The following PCDHGA1 variants were observed in gnomAD, a reference collection of about 807,000 sequenced individuals.
PCDHGA1 encodes the protein protocadherin gamma subfamily A, 1.
In PCDHGA1, 32 loss-of-function variants were observed where a neutral mutation model predicts 58.0. The observed-to-expected ratio is 0.55, with a 90% confidence interval of 0.42 to 0.74. The LOEUF (loss-of-function observed/expected upper bound fraction) is 0.74, where lower values mean the gene tolerates loss of function less well. Among genes scored for constraint, PCDHGA1 ranks in the 30% least tolerant of loss-of-function variants. The pLI is 0.00. For synonymous variants in PCDHGA1, 498 were observed against 501.1 expected (o/e 0.99, Z 0.08); for missense variants, 1,205 against 1,182.3 (o/e 1.02, Z -0.28).
intron 1 of PCDHGA1, chr5:141,351,782 G>A (rs575679144): frequency 1.2e-6 from 2 of 1,613,456 alleles, no homozygotes; most frequent in Non-Finnish European, 1.7e-6. Flanking sequence ...CCCGCAGAGC[G>A]GGGTGGTGTT....
rs761396116 is a variant in PCDHGA1 at position 141,409,790 on chromosome 5, C to T, written c.2421+76685C>T. 4 of 1,612,010 alleles carry T rather than the reference C, an allele frequency of 2.5e-6. No homozygotes were observed. The Admixed American group carries it at 5.0e-5, about 20-fold the overall frequency. ...TCACGAGCAGCTGCGCGCCTTCGCGCTCACGCTGCAGGCCCGCGACCACGG... is the reference window on the plus strand; with the variant it reads ...TCACGAGCAGCTGCGCGCCTTCGCGTTCACGCTGCAGGCCCGCGACCACGG... On this transcript the variant is annotated intron_variant, in intron 1 of 3. Transcript: ENST00000517417.
At chr5:141,456,197 C>T (rs1353243708) in intron 1 of PCDHGA1, among the ~76,000 whole-genome samples, 1 of 152,090 alleles carries the variant, frequency 6.6e-6, no homozygotes, top group Non-Finnish European at 1.5e-5. Context: ...ATAACTCCTA[C>T]CACATTCCTC....
intron 1 of PCDHGA1, chr5:141,340,121 T>G: frequency 6.2e-7 from 1 of 1,614,172 alleles, no homozygotes; most frequent in Non-Finnish European, 8.5e-7. Flanking sequence ...ATTCACCACC[T>G]GTTCACTCCC....
intron 1 of PCDHGA1, chr5:141,396,447 C>A: frequency 6.6e-6 from 1 of 152,186 alleles, no homozygotes. Flanking sequence ...GGTGAAACCC[C>A]GTCTCTACTA....
intron 1 of PCDHGA1, chr5:141,375,379 G>C (rs763011403): frequency 1.2e-6 from 2 of 1,613,794 alleles, no homozygotes; most frequent in Non-Finnish European, 1.7e-6. Context: ...CACCACCTCT[G>C]TCTACAGAAA....
chr5:141,426,451 C>T (rs561567196), intron 1 of PCDHGA1: 1 of 308,946 alleles, frequency 3.2e-6, no homozygotes, highest in Non-Finnish European at 6.4e-6. Flanking sequence ...GGACATGCGG[C>T]TGCATGTTCA....
chr5:141,375,059 G>C, intron 1 of PCDHGA1: 1 of 1,614,038 alleles, frequency 6.2e-7, no homozygotes, highest in Non-Finnish European at 8.5e-7. Flanking sequence ...GGATGGGCCA[G>C]GTCTTCGAGA....
chr5:141,394,432 C>T (rs1561648568), intron 1 of PCDHGA1: 2 of 1,614,238 alleles, frequency 1.2e-6, no homozygotes, highest in Admixed American at 1.7e-5. Flanking sequence ...AGCGGGGACC[C>T]GCCCCTCAGC....
chr5:141,344,322 G>T lies in PCDHGA1; in HGVS notation c.2421+11217G>T, dbSNP rs767083596. 6.8e-6 allele frequency: 11 copies of T among 1,613,940 alleles called. No homozygotes were observed. In the South Asian group the frequency reaches 7.7e-5, roughly 11 times the overall value. ...GAGGATAGACCGGGAGGAGCTCTGC[G>T]CTCAGATCCCGCTGTGTCTGGTAAA... On this transcript the variant is annotated intron_variant, in intron 1 of 3. Coordinates refer to ENST00000517417, the MANE Select transcript of PCDHGA1 (RefSeq NM_018912.3).
Position 141,494,808 on chromosome 5 carries a change from A to G in PCDHGA1, c.2423A>G (p.Gln808Arg). The G allele has an allele frequency of 1.9e-6, 3 of 1,614,014 alleles. No individual in the cohort carries two copies. Among genetic ancestry groups the G allele is most frequent in the Non-Finnish European group, 2.5e-6 (3 of 1,179,982 alleles). The change falls in exon 2 of 4, where the codon CAA becomes CGA. Residue 808 changes from glutamine to arginine, a missense_variant and splice_region_variant. Gln to Arg is a conservative substitution (Grantham distance 43, BLOSUM62 1). Coordinates refer to ENST00000517417, the MANE Select transcript of PCDHGA1 (RefSeq NM_018912.3). ...CCTTTCCCTCTGTTTTCTCCACAGC[A>G]AGCCCCGCCCAACACGGACTGGCGT... ...LEDKKEPFSQ[Q>R]APPNTDWRFS...
intron 1 of PCDHGA1, chr5:141,367,674 T>C (rs1765283740): frequency 6.6e-6 from 1 of 152,182 alleles, no homozygotes. Context: ...TGTGGGCTTG[T>C]TGAGAGAAGA....
At chr5:141,361,830 C>G (rs760465689) in intron 1 of PCDHGA1, 4 of 1,612,982 alleles carry the variant, frequency 2.5e-6, no homozygotes, top group East Asian at 2.2e-5. Context: ...TGCTGTACCC[C>G]GCGCTGGGGC....
chr5:141,384,334 C>A (rs1779970411), intron 1 of PCDHGA1: 1 of 1,613,728 alleles, frequency 6.2e-7, no homozygotes, highest in African/African-American at 1.3e-5. Context: ...TGCACAGGAC[C>A]ACGACAGTGA....
chr5:141,371,842 C>T (rs1768100584), intron 1 of PCDHGA1: 3 of 1,613,586 alleles, frequency 1.9e-6, no homozygotes, highest in African/African-American at 1.3e-5. Context: ...GACTTGGGAC[C>T]TAATGGCCTT....
chr5:141,405,222 T>A, intron 1 of PCDHGA1: 5 of 1,613,886 alleles, frequency 3.1e-6, no homozygotes, highest in Non-Finnish European at 4.2e-6. Context: ...TCTCAGGAGT[T>A]CTCCCTCACC....
chr5:141,427,717 A>G (rs1038823851), intron 1 of PCDHGA1: 20 of 1,076,234 alleles, frequency 1.9e-5, no homozygotes, highest in African/African-American at 1.1e-4. Context: ...TCTGACCTGG[A>G]CCTAGGGCTG....
At chr5:141,418,908 C>T (rs1037628215) in intron 1 of PCDHGA1, 1 of 1,613,814 alleles carries the variant, frequency 6.2e-7, no homozygotes, top group Non-Finnish European at 8.5e-7. Context: ...ATAATCATCA[C>T]GTCACTCTCT....
intron 1 of PCDHGA1, chr5:141,393,947 G>T: frequency 6.2e-7 from 1 of 1,613,972 alleles, no homozygotes; most frequent in Non-Finnish European, 8.5e-7. Context: ...ACTCTGGAAA[G>T]AATGGTCAAG....
intron 1 of PCDHGA1, chr5:141,343,908 T>C: frequency 1.1e-6 from 1 of 877,684 alleles, no homozygotes; most frequent in Non-Finnish European, 1.7e-6. Flanking sequence ...CCTCACCTCT[T>C]AGTCAACCAG....
Sources: allele counts gnomAD v4.1 joint callset (sites outside exome capture counted in the v4.1 genomes callset), GRCh38; gene constraint gnomAD v4.1.1; transcripts MANE v1.5; gene names NCBI Gene and HGNC (gene_info 2026-07-23, HGNC 2026-07-21).